Variants in FNBP1 observed in about 807,000 individuals in gnomAD.
FNBP1 encodes formin-binding protein 1.
A neutral mutation model predicts 90.6 loss-of-function variants in FNBP1; 26 were observed. The ratio of observed to expected loss-of-function variants is 0.29; its 90% confidence interval spans 0.21 to 0.40. The LOEUF (loss-of-function observed/expected upper bound fraction) is 0.40, where lower values mean the gene tolerates loss of function less well. FNBP1 is among the 10% of genes least tolerant of loss of function. The pLI, the probability that FNBP1 is intolerant of heterozygous loss-of-function variation, is 1.00. For missense variants in FNBP1, 635 were observed against 768.0 expected, an observed-to-expected ratio of 0.83 and a Z score of 2.05; for synonymous variants, 260 against 265.2, an observed-to-expected ratio of 0.98 and a Z score of 0.19.
intron 2 of FNBP1, among the ~76,000 whole-genome samples, chr9:129,989,951 T>A (rs2052864150): frequency 6.6e-6 from 1 of 151,762 alleles, no homozygotes; most frequent in Non-Finnish European, 1.5e-5. Flanking sequence ...GGTGGGAGGT[T>A]CACTTGAGCC....
chr9:130,006,018 C>T (rs1288094760), intron 1 of FNBP1, among the ~76,000 whole-genome samples: 1 of 151,760 alleles, frequency 6.6e-6, no homozygotes, highest in Non-Finnish European at 1.5e-5. Context: ...AAAGGGGCTC[C>T]AGCACCACAG....
intron 15 of FNBP1, 142 bp downstream of exon 15, chr9:129,899,823 G>A (rs2036560435): frequency 7.9e-6 from 5 of 630,320 alleles, no homozygotes; most frequent in Non-Finnish European, 1.3e-5. Flanking sequence ...AGGGGAAGGG[G>A]AAGGGAAGGT....
At chr9:129,915,040 C>T (rs796458544) in intron 11 of FNBP1, 15 of 249,232 alleles carry the variant, frequency 6.0e-5, no homozygotes, top group South Asian at 4.7e-4. Context: ...AGAAACGACA[C>T]AAAACACTGA....
intron 2 of FNBP1, among the ~76,000 whole-genome samples, chr9:129,989,311 G>A (rs916811643): frequency 1.3e-5 from 2 of 152,154 alleles, no homozygotes; most frequent in Admixed American, 6.6e-5. Context: ...CCTGTGTCTC[G>A]TTCATTCAAG....
chr9:129,904,134 G>A (rs2037511742), intron 12 of FNBP1, among the ~76,000 whole-genome samples: 1 of 152,178 alleles, frequency 6.6e-6, no homozygotes, highest in Non-Finnish European at 1.5e-5. Context: ...GGTCTCACGG[G>A]CTGCATGTGC....
chr9:129,980,738 T>A (rs560713942), intron 2 of FNBP1, among the ~76,000 whole-genome samples: 204 of 150,146 alleles, frequency 1.4e-3, no homozygotes, highest in African/African-American at 4.7e-3. Flanking sequence ...GTCCTGACTT[T>A]AGGTGACTAT....
Position 129,889,916 on chromosome 9 carries a change from GC to G in FNBP1, c.*622del, listed in dbSNP as rs374247592. ...TGTGCCTGTGGGTGTGTGTGTACCT[GC>G]CCCCCTGCCTGCCAGATGCTCCCAG... On this transcript the variant is annotated 3_prime_UTR_variant, in exon 17 of 17. Coordinates refer to ENST00000446176, the MANE Select transcript of FNBP1 (RefSeq NM_015033.3). The G allele has an allele frequency of 2.5e-4, 60 of 236,434 alleles. No homozygotes were observed. In the East Asian group the frequency reaches 3.2e-3, roughly 13 times the overall value. The allele number at this position is 236,434 out of a possible 1,614,324, so 14.6% of individuals were successfully genotyped here.
intron 6 of FNBP1, among the ~76,000 whole-genome samples, chr9:129,944,356 C>T (rs2044856333): frequency 6.6e-6 from 1 of 151,836 alleles, no homozygotes. Context: ...TCCAGGCCAA[C>T]CTGGAGAAAC....
chr9:129,893,612 C>CAAAAAAAAAAAAAAAAAAAAAAAAA lies in FNBP1; in HGVS notation c.1846+2201_1846+2225dup, dbSNP rs1216398298. Among the ~76,000 whole-genome samples the CAAAAAAAAAAAAAAAAAAAAAAAAA allele has an allele frequency of 1.8e-4, 4 of 22,314 alleles. 2 individuals carry two copies. The highest frequency in any genetic ancestry group is 3.4e-4 in the African/African-American group (2 of 5,936). The allele number at this position is 22,314 out of a possible 152,430, so 14.6% of individuals were successfully genotyped here. ...TAGGTGACAGAGTGAGACTCTGTCT[C>CAAAAAAAAAAAAAAAAAAAAAAAAA]AAAAAAAAAAAAAAAAAAAAAAAAA... is the stretch of plus-strand genomic sequence containing the variant. On this transcript the variant is annotated intron_variant, in intron 16 of 16. Coordinates refer to ENST00000446176, the MANE Select transcript of FNBP1 (RefSeq NM_015033.3).
intron 1 of FNBP1, among the ~76,000 whole-genome samples, chr9:130,003,018 C>T (rs1589195631): frequency 1.3e-5 from 2 of 152,078 alleles, no homozygotes; most frequent in South Asian, 2.1e-4. Context: ...TATGCAATTG[C>T]TACTTTTTAC....
chr9:129,974,295 C>T (rs1179294416), intron 4 of FNBP1, among the ~76,000 whole-genome samples: 1 of 152,144 alleles, frequency 6.6e-6, no homozygotes, highest in African/African-American at 2.4e-5. Context: ...CAGAGCAACA[C>T]ACCCAGCTCA....
intron 6 of FNBP1, among the ~76,000 whole-genome samples, chr9:129,952,380 C>G (rs2046316924): frequency 1.3e-5 from 2 of 151,926 alleles, no homozygotes; most frequent in African/African-American, 4.8e-5. Flanking sequence ...GCACCTTAAT[C>G]TCAGCTACTT....
At chr9:129,924,664 G>T (rs2041612663) in intron 9 of FNBP1, among the ~76,000 whole-genome samples, 2 of 152,156 alleles carry the variant, frequency 1.3e-5, no homozygotes, top group Non-Finnish European at 2.9e-5. Flanking sequence ...CCCAGCCAAG[G>T]TAACCAGCAG....
At chr9:129,898,296 C>T (rs536245155) in intron 15 of FNBP1, among the ~76,000 whole-genome samples, 9 of 152,250 alleles carry the variant, frequency 5.9e-5, no homozygotes, top group African/African-American at 2.2e-4. Flanking sequence ...ACCTCGCCCC[C>T]ATTGGCACTT....
At chr9:130,034,638 TAGG>T (rs1435432898) in intron 1 of FNBP1, among the ~76,000 whole-genome samples, 1 of 152,252 alleles carries the variant, frequency 6.6e-6, no homozygotes, top group Non-Finnish European at 1.5e-5. Flanking sequence ...TTGAAAGGAT[TAGG>T]AGATTACTAG....
intron 6 of FNBP1, among the ~76,000 whole-genome samples, chr9:129,947,195 C>A (rs887849520): frequency 6.6e-6 from 1 of 152,122 alleles, no homozygotes; most frequent in African/African-American, 2.4e-5. Flanking sequence ...AATCCCAGCA[C>A]TTTGGGAGGC....
intron 12 of FNBP1, among the ~76,000 whole-genome samples, chr9:129,904,018 C>G (rs1432538124): frequency 6.6e-6 from 1 of 152,078 alleles, no homozygotes; most frequent in Admixed American, 6.6e-5. Flanking sequence ...GCCTGGGCGA[C>G]AGAGCAAGAC....
intron 2 of FNBP1, among the ~76,000 whole-genome samples, chr9:129,985,986 AT>A (rs1202220283): frequency 4.8e-5 from 7 of 145,670 alleles, no homozygotes; most frequent in Non-Finnish European, 3.0e-5. Flanking sequence ...AAAAAAAAAA[AT>A]TCGCCAGGTG....
intron 6 of FNBP1, among the ~76,000 whole-genome samples, chr9:129,951,199 C>T (rs954667393): frequency 6.6e-6 from 1 of 151,872 alleles, no homozygotes; most frequent in African/African-American, 2.4e-5. Context: ...TCAGGTGATC[C>T]ACCTGCCTCG....
Sources: allele counts gnomAD v4.1 joint callset (sites outside exome capture counted in the v4.1 genomes callset), GRCh38; gene constraint gnomAD v4.1.1; transcripts MANE v1.5; gene names NCBI Gene and HGNC (gene_info 2026-07-23, HGNC 2026-07-21).